The following ROR2 variants were observed in gnomAD, a reference collection of about 807,000 sequenced individuals.
ROR2 encodes the protein tyrosine-protein kinase transmembrane receptor ROR2.
ROR2 carries 33 observed loss-of-function variants against 74.9 expected under a neutral mutation model. That is an observed-to-expected ratio of 0.44 (90% confidence interval 0.33 to 0.59). The LOEUF is 0.59. ROR2 is among the 20% of genes least tolerant of loss of function. The probability of loss-of-function intolerance (pLI) is 0.02; values close to 1 mark genes in which losing one functional copy is unlikely to be tolerated. For synonymous variants in ROR2, 586 were observed against 558.7 expected (o/e 1.05, Z -0.69); for missense variants, 1,216 against 1,313.8 (o/e 0.93, Z 1.15).
intron 2 of ROR2, among the ~76,000 whole-genome samples, chr9:91,764,491 T>C (rs965103037): frequency 3.3e-5 from 5 of 152,048 alleles, no homozygotes; most frequent in African/African-American, 4.8e-5. Flanking sequence ...CTACTTTTTA[T>C]AGGCTTACCT....
At chr9:91,888,583 G>A (rs866844890) in intron 1 of ROR2, among the ~76,000 whole-genome samples, 3 of 152,156 alleles carry the variant, frequency 2.0e-5, no homozygotes, top group Non-Finnish European at 4.4e-5. Context: ...GCTGGGATGC[G>A]ATTGAAGCTG....
chr9:91,775,052 G>C (rs535212067), intron 2 of ROR2, among the ~76,000 whole-genome samples: 32 of 152,298 alleles, frequency 2.1e-4, no homozygotes, highest in Middle Eastern at 6.8e-3. Flanking sequence ...CAGGAGGAGG[G>C]TCCTCTCCAG....
chr9:91,921,502 C>T (rs1159785203), intron 1 of ROR2, among the ~76,000 whole-genome samples: 1 of 152,178 alleles, frequency 6.6e-6, no homozygotes, highest in South Asian at 2.1e-4. Flanking sequence ...CAGACCAAGC[C>T]GCAGGCCTCT....
At chr9:91,790,339 GAA>G (rs879680288) in intron 1 of ROR2, among the ~76,000 whole-genome samples, 19 of 139,980 alleles carry the variant, frequency 1.4e-4, no homozygotes, top group African/African-American at 4.7e-4. Context: ...CATCTCTACT[GAA>G]AAAAAAAAAA....
chr9:91,878,668 T>C (rs983321440), intron 1 of ROR2, among the ~76,000 whole-genome samples: 2 of 152,222 alleles, frequency 1.3e-5, no homozygotes, highest in South Asian at 2.1e-4. Flanking sequence ...CATCATTCTC[T>C]GAGAAGCACA....
intron 1 of ROR2, chr9:91,886,981 A>C (rs1830300193): frequency 1.3e-5 from 2 of 152,014 alleles, no homozygotes; most frequent in Non-Finnish European, 2.9e-5. Flanking sequence ...GGGAAATACA[A>C]CCTCTTCAAA....
At chr9:91,926,482 G>A (rs1243308820) in intron 1 of ROR2, among the ~76,000 whole-genome samples, 5 of 146,386 alleles carry the variant, frequency 3.4e-5, no homozygotes, top group Non-Finnish European at 6.0e-5. Flanking sequence ...GGAGGTGGAG[G>A]TAGCAGTGAG....
intron 1 of ROR2, among the ~76,000 whole-genome samples, chr9:91,788,729 G>A (rs910969014): frequency 2.6e-5 from 4 of 151,944 alleles, no homozygotes; most frequent in East Asian, 1.9e-4. Context: ...GTCAAGCGTG[G>A]TGGCGGGCAC....
intron 1 of ROR2, among the ~76,000 whole-genome samples, chr9:91,933,849 G>T (rs1230207075): frequency 6.6e-6 from 1 of 152,156 alleles, no homozygotes; most frequent in Admixed American, 6.5e-5. Context: ...AGGCGGGGAC[G>T]GGGAAATGGG....
chr9:91,784,756 T>C (rs757223967), intron 1 of ROR2, among the ~76,000 whole-genome samples: 4 of 152,236 alleles, frequency 2.6e-5, no homozygotes, highest in Non-Finnish European at 5.9e-5. Context: ...CTGGCCCTAC[T>C]CAAAATGTCA....
Position 91,834,240 on chromosome 9 carries a change from C to T in ROR2, c.98-58422G>A, listed in dbSNP as rs549041591. 3.3e-5 allele frequency among the ~76,000 whole-genome samples: 5 copies of T among 152,290 alleles called. No homozygotes were observed. The South Asian group carries it at 6.2e-4, about 19-fold the overall frequency. Reference sequence around the variant, plus strand: ...CTCAGGTCCTGGCTTTCCTGAGCATCGCTGGGTGGACTTGCCCAGAGCCCC... The same window carrying T: ...CTCAGGTCCTGGCTTTCCTGAGCATTGCTGGGTGGACTTGCCCAGAGCCCC... On this transcript the variant is annotated intron_variant, in intron 1 of 8. Coordinates refer to ENST00000375708, the MANE Select transcript of ROR2 (RefSeq NM_004560.4).
At chr9:91,940,594 C>CTTTTTTTTTTTTTTTTTTTTT (rs570738211) in intron 1 of ROR2, among the ~76,000 whole-genome samples, 2 of 142,668 alleles carry the variant, frequency 1.4e-5, no homozygotes. Context: ...ACGTGCAATT[C>CTTTTTTTTTTTTTTTTTTTTT]TTTTTTTTTT....
intron 4 of ROR2, among the ~76,000 whole-genome samples, chr9:91,748,185 G>A (rs1825490342): frequency 6.6e-6 from 1 of 152,026 alleles, no homozygotes; most frequent in Non-Finnish European, 1.5e-5. Flanking sequence ...TGAGGCAGAA[G>A]AATTGCTTGA....
In ROR2 at chr9:91,949,667, G is replaced by T. The variant is rs139122017; in HGVS notation, c.97+200C>A. Among the ~76,000 whole-genome samples, 2,259 of 152,292 alleles carry T rather than the reference G, an allele frequency of 0.015. 59 individuals are homozygous for T. Among genetic ancestry groups the T allele is most frequent in the African/African-American group, 0.052 (2,171 of 41,552 alleles). ...AAACACTTAGGCGTCCCCAGAGCGC[G>T]GCTTATTGTAACCAGCCCGAGGGGG... On this transcript the variant is annotated intron_variant, in intron 1 of 8. Coordinates refer to ENST00000375708, the MANE Select transcript of ROR2 (RefSeq NM_004560.4).
At chr9:91,871,446 A>G (rs1044369679) in intron 1 of ROR2, among the ~76,000 whole-genome samples, 1 of 152,222 alleles carries the variant, frequency 6.6e-6, no homozygotes. Context: ...GTCCTATAAT[A>G]ATACAAACAT....
At chr9:91,750,980 G>C (rs1266603410) in intron 4 of ROR2, among the ~76,000 whole-genome samples, 3 of 152,194 alleles carry the variant, frequency 2.0e-5, no homozygotes, top group Non-Finnish European at 4.4e-5. Context: ...CCATGTGCTA[G>C]AAAACATGAG....
chr9:91,839,106 G>A (rs893723069), intron 1 of ROR2, among the ~76,000 whole-genome samples: 1 of 152,190 alleles, frequency 6.6e-6, no homozygotes, highest in East Asian at 1.9e-4. Flanking sequence ...CAACACAAGC[G>A]TGGGATGACA....
chr9:91,848,985 T>A (rs1012060750), intron 1 of ROR2, among the ~76,000 whole-genome samples: 19 of 152,112 alleles, frequency 1.2e-4, no homozygotes, highest in Admixed American at 1.2e-3. Context: ...TGGACTGCAG[T>A]GAGTCTACAG....
intron 1 of ROR2, among the ~76,000 whole-genome samples, chr9:91,849,323 G>T (rs1829027643): frequency 6.6e-6 from 1 of 152,214 alleles, no homozygotes. Flanking sequence ...AAATAAAGGG[G>T]CCCTGTAGGT....
Sources: allele counts gnomAD v4.1 joint callset (sites outside exome capture counted in the v4.1 genomes callset), GRCh38; gene constraint gnomAD v4.1.1; transcripts MANE v1.5; gene names NCBI Gene and HGNC (gene_info 2026-07-23, HGNC 2026-07-21).